Variants in SMAD6 observed in about 807,000 individuals in gnomAD.
SMAD6 encodes MAD homolog 6.
A neutral mutation model predicts 39.4 loss-of-function variants in SMAD6; 103 were observed. The observed-to-expected ratio is 2.62, with a 90% confidence interval of 2.23 to 3.08. The LOEUF is 3.08. Among genes scored for constraint, SMAD6 ranks in the 30% most tolerant of loss-of-function variants. The probability of loss-of-function intolerance (pLI) is 0.00; values close to 1 mark genes in which losing one functional copy is unlikely to be tolerated. For synonymous variants in SMAD6, 445 were observed against 353.3 expected (o/e 1.26, Z -2.91); for missense variants, 1,104 against 742.9 (o/e 1.49, Z -5.65).
At chr15:66,765,620 C>T (rs1269169696) in intron 3 of SMAD6, among the ~76,000 whole-genome samples, 1 of 152,192 alleles carries the variant, frequency 6.6e-6, no homozygotes, top group African/African-American at 2.4e-5. Flanking sequence ...TACTCCCTTC[C>T]TACACAAACA....
intron 3 of SMAD6, among the ~76,000 whole-genome samples, chr15:66,721,658 G>A (rs573852477): frequency 6.6e-6 from 1 of 152,204 alleles, no homozygotes; most frequent in Non-Finnish European, 1.5e-5. Context: ...AGTGGTGAGG[G>A]TTAAATGAGA....
chr15:66,760,386 G>A (rs1263600135), intron 3 of SMAD6, among the ~76,000 whole-genome samples: 1 of 152,208 alleles, frequency 6.6e-6, no homozygotes, highest in Admixed American at 6.5e-5. Flanking sequence ...CTGCGTGCCA[G>A]AGCAGAACAG....
Position 66,781,138 on chromosome 15 carries a change from G to T in SMAD6, c.1094G>T (p.Gly365Val). The change falls in exon 4 of 4, where the codon GGC (glycine) becomes GTC (valine). Residue 365 changes from glycine (G) to valine (V), a missense_variant. Coordinates refer to ENST00000288840, the MANE Select transcript of SMAD6 (RefSeq NM_005585.5). ...TTCTACGACCTACCTCAGGGCAGCG[G>T]CTTCTGCCTGGGCCAGCTCAACCTG... ...SIFYDLPQGS[G>V]FCLGQLNLEQ... 1 of 1,608,490 alleles carries T rather than the reference G, an allele frequency of 6.2e-7. No individual in the cohort carries two copies. The highest frequency in any genetic ancestry group is 8.5e-7 in the Non-Finnish European group (1 of 1,179,776).
chr15:66,746,060 A>G (rs1893902468), intron 3 of SMAD6, among the ~76,000 whole-genome samples: 1 of 152,214 alleles, frequency 6.6e-6, no homozygotes, highest in South Asian at 2.1e-4. Flanking sequence ...CTCCCCAAGC[A>G]TCAGCCAGAG....
At chr15:66,725,632 C>T (rs1234602238) in intron 3 of SMAD6, among the ~76,000 whole-genome samples, 1 of 152,114 alleles carries the variant, frequency 6.6e-6, no homozygotes, top group African/African-American at 2.4e-5. Context: ...CCTTCCATGC[C>T]AGGTGGGGAA....
chr15:66,706,256 C>G (rs1050497957), intron 1 of SMAD6: 1 of 152,160 alleles, frequency 6.6e-6, no homozygotes, highest in South Asian at 2.1e-4. Context: ...GGGGGTGGCT[C>G]TAGGAATATT....
chr15:66,725,887 C>A lies in SMAD6; in HGVS notation c.952+9389C>A, dbSNP rs548534275. On this transcript the variant is annotated intron_variant, in intron 3 of 3. Coordinates refer to ENST00000288840, the MANE Select transcript of SMAD6 (RefSeq NM_005585.5). ...GCAGAACAGGTGGCCATGCTAGCCCCTCAGGGCCTGTGTCCTCCGAGTGTC... is the reference window on the plus strand; with the variant it reads ...GCAGAACAGGTGGCCATGCTAGCCCATCAGGGCCTGTGTCCTCCGAGTGTC... 5.9e-5 allele frequency among the ~76,000 whole-genome samples: 9 copies of A among 152,316 alleles called. No individual in the cohort carries two copies. The South Asian group carries it at 1.9e-3, about 32-fold the overall frequency.
Position 66,711,666 on chromosome 15 carries a change from A to G in SMAD6, c.818-2A>G. 4 of 1,613,660 alleles carry G rather than the reference A, an allele frequency of 2.5e-6. No individual in the cohort carries two copies. Among genetic ancestry groups the G allele is most frequent in the South Asian group, 2.2e-5 (2 of 91,070 alleles). Reference sequence around the variant, plus strand: ...AGTGACATGCTGTCTCCTGTCTTCCAGAATCTCCGCCACCTCCCTACTCTC... The same window carrying G: ...AGTGACATGCTGTCTCCTGTCTTCCGGAATCTCCGCCACCTCCCTACTCTC... On this transcript the variant is annotated splice_acceptor_variant, in intron 1 of 3. Transcript: ENST00000288840. LOFTEE classifies it high-confidence loss of function.
At chr15:66,738,209 C>A (rs117485220) in intron 3 of SMAD6, among the ~76,000 whole-genome samples, 2,125 of 152,246 alleles carry the variant, frequency 0.014, 35 homozygotes, top group South Asian at 0.042. Flanking sequence ...GAAAACAGCC[C>A]CCTGCCCGTG....
At chr15:66,762,123 A>G in intron 3 of SMAD6, among the ~76,000 whole-genome samples, 1 of 152,224 alleles carries the variant, frequency 6.6e-6, no homozygotes, top group Non-Finnish European at 1.5e-5. Context: ...TGAGAGAAAA[A>G]AATAATGCGT....
At chr15:66,729,563 C>T (rs1331669219) in intron 3 of SMAD6, among the ~76,000 whole-genome samples, 1 of 152,146 alleles carries the variant, frequency 6.6e-6, no homozygotes, top group Non-Finnish European at 1.5e-5. Flanking sequence ...AGGGTGACAG[C>T]GTGGTGTTTT....
At chr15:66,720,750 C>T (rs767885592) in intron 3 of SMAD6, among the ~76,000 whole-genome samples, 5 of 152,140 alleles carry the variant, frequency 3.3e-5, no homozygotes, top group Admixed American at 6.5e-5. Context: ...GGGATGGGGA[C>T]GCTTGTTATG....
rs557505039 is a variant in SMAD6 at position 66,773,271 on chromosome 15, G to A, written c.953-7726G>A. 4.2e-3 allele frequency among the ~76,000 whole-genome samples: 646 copies of A among 152,262 alleles called. 7 individuals are homozygous for A. Among genetic ancestry groups the A allele is most frequent in the African/African-American group, 0.015 (619 of 41,552 alleles). On this transcript the variant is annotated intron_variant, in intron 3 of 3. Transcript: ENST00000288840. ...GAAACTCCTGTCAGCTGGGCCCAGC[G>A]TTTGGAAAGAGTTCAGCAGAGAGGC...
intron 1 of SMAD6, 46 bp downstream of exon 1, chr15:66,704,121 A>T (rs1893055675): frequency 6.7e-6 from 9 of 1,337,304 alleles, no homozygotes; most frequent in Non-Finnish European, 8.7e-6. Context: ...CCCCGTCCCC[A>T]TCCCCTTCCG....
chr15:66,780,201 C>T lies in SMAD6; in HGVS notation c.953-796C>T, dbSNP rs146758721. 4.9e-4 allele frequency among the ~76,000 whole-genome samples: 75 copies of T among 152,300 alleles called. 1 individual carries two copies. The East Asian group carries it at 0.013, about 27-fold the overall frequency. ...CTCCTCTGCCATGCAGAAGTAGCTG[C>T]AGTTCTGGTACAAACCTGCATTTCC... On this transcript the variant is annotated intron_variant, in intron 3 of 3. Coordinates refer to ENST00000288840, the MANE Select transcript of SMAD6 (RefSeq NM_005585.5).
At position 66,716,462 on chromosome 15, in the gene SMAD6, A is replaced by AC; in HGVS notation, c.918dup (p.Asn307GlnfsTer9). 6.2e-7 allele frequency: 1 copy of AC among 1,613,870 alleles called. No individual in the cohort carries two copies. Among genetic ancestry groups the AC allele is most frequent in the Non-Finnish European group, 8.5e-7 (1 of 1,179,706 alleles). On this transcript the variant is annotated frameshift_variant, in exon 3 of 4. Coordinates refer to ENST00000288840, the MANE Select transcript of SMAD6 (RefSeq NM_005585.5). LOFTEE classifies it high-confidence loss of function. Reference sequence around the variant, plus strand: ...ATTGTCTTACACTGAAACGGAGGCTACCAACTCCCTCATCACTGCTCCGGG... The same window carrying AC: ...ATTGTCTTACACTGAAACGGAGGCTACCCAACTCCCTCATCACTGCTCCGGG...
chr15:66,717,737 C>G (rs751053150), intron 3 of SMAD6, among the ~76,000 whole-genome samples: 2 of 152,132 alleles, frequency 1.3e-5, no homozygotes, highest in Non-Finnish European at 2.9e-5. Context: ...ACTTGCCATA[C>G]AGGGTCCCAC....
intron 3 of SMAD6, among the ~76,000 whole-genome samples, chr15:66,760,041 G>A (rs2140657638): frequency 1.3e-5 from 2 of 152,226 alleles, no homozygotes; most frequent in South Asian, 4.1e-4. Flanking sequence ...TCCTGCCCGT[G>A]TGCCTCTGCC....
In SMAD6 at chr15:66,731,394, C is replaced by T. The variant is rs1381099073; in HGVS notation, c.952+14896C>T. 4.0e-5 allele frequency among the ~76,000 whole-genome samples: 6 copies of T among 148,694 alleles called. No homozygotes were observed. In the East Asian group the frequency reaches 1.0e-3, roughly 25 times the overall value. On this transcript the variant is annotated intron_variant, in intron 3 of 3. Transcript: ENST00000288840. ...CGGAGCTTGCAGTGAGCCGAGATCC[C>T]GCCACTGCACTCCAGCCTGGGCAAC... is the stretch of plus-strand genomic sequence containing the variant.
Sources: allele counts gnomAD v4.1 joint callset (sites outside exome capture counted in the v4.1 genomes callset), GRCh38; gene constraint gnomAD v4.1.1; transcripts MANE v1.5; gene names NCBI Gene and HGNC (gene_info 2026-07-23, HGNC 2026-07-21).